NEBL: variants seen among roughly 807,000 people sequenced by gnomAD.
NEBL encodes LIM and SH3 protein 2.
A neutral mutation model predicts 140.2 loss-of-function variants in NEBL; 122 were observed. That is an observed-to-expected ratio of 0.87 (90% CI 0.75 to 1.01). The LOEUF (loss-of-function observed/expected upper bound fraction) is 1.01. NEBL is among the 50% of genes least tolerant of loss of function. NEBL has a pLI of 0.00. For synonymous variants in NEBL, 436 were observed against 398.9 expected (o/e 1.09, Z -1.11); for missense variants, 1,365 against 1,231.3 (o/e 1.11, Z -1.62).
intron 18 of NEBL, among the ~76,000 whole-genome samples, chr10:20,825,994 A>G (rs764255551): frequency 2.6e-5 from 4 of 152,200 alleles, no homozygotes; most frequent in Non-Finnish European, 4.4e-5. Flanking sequence ...TGTGACTGAC[A>G]TCGGTTAAAA....
At chr10:20,894,851 C>A (rs1847332110) in intron 2 of NEBL, among the ~76,000 whole-genome samples, 1 of 150,032 alleles carries the variant, frequency 6.7e-6, no homozygotes, top group Non-Finnish European at 1.5e-5. Context: ...ATGGCGTGAA[C>A]CCAGGAGGCG....
At chr10:20,867,547 T>C (rs1844424603) in intron 7 of NEBL, among the ~76,000 whole-genome samples, 1 of 152,178 alleles carries the variant, frequency 6.6e-6, no homozygotes, top group Admixed American at 6.5e-5. Context: ...TTAATGTGCC[T>C]ACCTATTATA....
At chr10:21,153,361 T>C (rs575680580) in intron 2 of NEBL, among the ~76,000 whole-genome samples, 59 of 145,508 alleles carry the variant, frequency 4.1e-4, no homozygotes, top group African/African-American at 1.5e-3. Context: ...TGCTCTGTCA[T>C]CCAGGCTGGA....
chr10:20,831,483 A>T lies in NEBL; in HGVS notation c.1550T>A (p.Met517Lys), dbSNP rs1840409699. Reference sequence around the variant, plus strand: ...TTGCTGCTGTCTTACCTGGCTGGCCATCTCGGATGCTTTCTTAGCTCTCTG... The same window carrying T: ...TTGCTGCTGTCTTACCTGGCTGGCCTTCTCGGATGCTTTCTTAGCTCTCTG... Reference protein sequence around the residue: ...DVQRAKKASEMASQKQYKKDL... With the variant: ...DVQRAKKASEKASQKQYKKDL... Residue 517 changes from methionine (M) to lysine (K), a missense_variant, in exon 15 of 28, where the codon ATG becomes AAG. Met to Lys is a moderately conservative substitution (Grantham distance 95). Around this residue, in one of 2 missense-constraint regions of NEBL, gnomAD observed 1,323 missense variants for 1,154.8 expected, o/e 1.15. Coordinates refer to ENST00000377122, the MANE Select transcript of NEBL (RefSeq NM_006393.3). The T allele has an allele frequency of 6.2e-7, 1 of 1,607,374 alleles. No individual in the cohort carries two copies. The highest frequency in any genetic ancestry group is 1.1e-5 in the South Asian group (1 of 90,852).
intron 2 of NEBL, among the ~76,000 whole-genome samples, chr10:21,131,900 C>A (rs929923764): frequency 6.6e-6 from 1 of 152,160 alleles, no homozygotes; most frequent in African/African-American, 2.4e-5. Flanking sequence ...ATGGTCAATG[C>A]TAACTTTGCT....
At chr10:21,163,933 C>T (rs148147449) in intron 2 of NEBL, among the ~76,000 whole-genome samples, 18 of 152,288 alleles carry the variant, frequency 1.2e-4, no homozygotes, top group Middle Eastern at 3.4e-3. Context: ...AAAATTAATA[C>T]GGGATTTCCA....
At chr10:21,029,326 G>C in intron 2 of NEBL, 1 of 1,610,818 alleles carries the variant, frequency 6.2e-7, no homozygotes, top group South Asian at 1.1e-5. Context: ...TGTGACAGAA[G>C]AGTCAATTAA....
At chr10:21,064,636 G>A (rs1835451916) in intron 2 of NEBL, among the ~76,000 whole-genome samples, 1 of 152,176 alleles carries the variant, frequency 6.6e-6, no homozygotes, top group Admixed American at 6.5e-5. Flanking sequence ...AAAAGTAACA[G>A]TGTCAGGAGA....
At chr10:20,826,594 G>T in intron 17 of NEBL, 55 bp from the exon 18 acceptor site, 1 of 1,328,234 alleles carries the variant, frequency 7.5e-7, no homozygotes, top group South Asian at 1.2e-5. Flanking sequence ...TCAAGTCCTA[G>T]ATCCGCTTCT....
intron 2 of NEBL, among the ~76,000 whole-genome samples, chr10:21,131,920 C>T (rs1342574436): frequency 6.6e-6 from 1 of 152,132 alleles, no homozygotes; most frequent in Non-Finnish European, 1.5e-5. Context: ...TTCCTACTTT[C>T]TGCAAAAAGG....
At position 20,828,168 on chromosome 10, in the gene NEBL, CAT is replaced by C. The variant is rs551550029; in HGVS notation, c.1776+360_1776+361del. ...TATTAAGAATGAGTAAATGGTTAGA[CAT>C]ATTATCAGTAAAAACAATCAATAAC... On this transcript the variant is annotated intron_variant, in intron 17 of 27. Coordinates refer to ENST00000377122, the MANE Select transcript of NEBL (RefSeq NM_006393.3). Among the ~76,000 whole-genome samples the C allele has an allele frequency of 3.0e-3, 450 of 152,084 alleles. 5 individuals carry two copies. The highest frequency in any genetic ancestry group is 9.0e-3 in the African/African-American group (373 of 41,496).
intron 4 of NEBL, among the ~76,000 whole-genome samples, chr10:20,906,928 A>G (rs954273327): frequency 7.2e-5 from 11 of 152,084 alleles, no homozygotes; most frequent in Non-Finnish European, 1.5e-4. Context: ...ACGCACTACA[A>G]TGAGACATGT....
At chr10:21,085,358 G>A (rs1425983858) in intron 2 of NEBL, among the ~76,000 whole-genome samples, 3 of 152,054 alleles carry the variant, frequency 2.0e-5, no homozygotes, top group Non-Finnish European at 2.9e-5. Flanking sequence ...ATGGTGGCTC[G>A]TGCCTGGAAT....
rs1414365602 is a variant in NEBL, at chr10:21,160,866, A to G, written c.164+11517T>C. ...GCCATCAAACTTATTTCCAGGGGGA[A>G]AAAAAAAAAAAACATGATATGCAAG... On this transcript the variant is annotated intron_variant, in intron 2 of 6. Transcript: ENST00000417816. Among the ~76,000 whole-genome samples the G allele has an allele frequency of 4.9e-3, 216 of 43,798 alleles. 1 individual carries two copies. The African/African-American group carries it at 0.1, about 21-fold the overall frequency. 28.7% of individuals were successfully genotyped at this position (43,798 alleles called of 152,430 possible).
At chr10:20,977,898 G>A (rs10828163) in intron 3 of NEBL, among the ~76,000 whole-genome samples, 9 of 151,972 alleles carry the variant, frequency 5.9e-5, no homozygotes, top group Admixed American at 1.3e-4. Context: ...CAAGCCTAAC[G>A]TTCCTGCTCA....
chr10:21,045,227 A>G (rs930484959), intron 2 of NEBL, among the ~76,000 whole-genome samples: 1 of 152,232 alleles, frequency 6.6e-6, no homozygotes, highest in Non-Finnish European at 1.5e-5. Flanking sequence ...GTAAATTAAT[A>G]GAATCAAAAG....
intron 1 of NEBL, among the ~76,000 whole-genome samples, chr10:21,277,747 C>T (rs1842942141): frequency 6.6e-6 from 1 of 152,216 alleles, no homozygotes; most frequent in Non-Finnish European, 1.5e-5. Flanking sequence ...TTGGGCCTTT[C>T]CATGTTAACA....
rs532103517 is a variant in NEBL, at chr10:20,784,449, T to C, written c.*1298A>G. Reference sequence around the variant, plus strand: ...GCTCTTGGGCCTGTACTAAAAAATCTCTGATGACATTCCTGTTTCATTCCC... The same window carrying C: ...GCTCTTGGGCCTGTACTAAAAAATCCCTGATGACATTCCTGTTTCATTCCC... On this transcript the variant is annotated 3_prime_UTR_variant, in exon 28 of 28. Transcript: ENST00000377122. 2.6e-4 allele frequency: 39 copies of C among 152,256 alleles called. 1 individual carries two copies. Among genetic ancestry groups the C allele is most frequent in the Middle Eastern group, 3.4e-3 (1 of 294 alleles). The allele number at this position is 152,256 out of a possible 1,614,324, so 9.4% of individuals were successfully genotyped here. A position where few individuals can be genotyped will look rare whatever the true frequency, so the allele number is the denominator to read the frequency against.
chr10:21,179,773 T>A (rs1356551835), upstream of NEBL, among the ~76,000 whole-genome samples: 1 of 149,736 alleles, frequency 6.7e-6, no homozygotes, highest in Admixed American at 6.6e-5. Flanking sequence ...GATGCTACAC[T>A]GCTGGCCTTG....
Sources: allele counts gnomAD v4.1 joint callset (sites outside exome capture counted in the v4.1 genomes callset), GRCh38; gene constraint gnomAD v4.1.1; regional missense constraint gnomAD v4.1.1; transcripts MANE v1.5; gene names NCBI Gene and HGNC (gene_info 2026-07-23, HGNC 2026-07-21).